The following COL21A1 variants were observed in gnomAD, a reference collection of about 807,000 sequenced individuals.
The protein encoded by COL21A1 is collagen type XXI alpha 1 chain.
Under a neutral mutation model 137.9 loss-of-function variants are expected in COL21A1, and 149 were observed. That is an observed-to-expected ratio of 1.08 (90% CI 0.95 to 1.24). The LOEUF (loss-of-function observed/expected upper bound fraction) is 1.24, where lower values mean the gene tolerates loss of function less well. COL21A1 is among the 50% of genes most tolerant of loss of function. The pLI, the probability that COL21A1 is intolerant of heterozygous loss-of-function variation, is 0.00. For synonymous variants in COL21A1, 456 were observed against 391.5 expected, an observed-to-expected ratio of 1.16 and a Z score of -1.95; for missense variants, 1,167 against 1,158.4, an observed-to-expected ratio of 1.01 and a Z score of -0.11.
intron 15 of COL21A1, 24 bp from the exon 16 acceptor site, chr6:56,124,139 T>G (rs1201401475): frequency 6.5e-7 from 1 of 1,535,306 alleles, no homozygotes; most frequent in South Asian, 1.2e-5. Context: ...ACATATGCTT[T>G]AATATATTTT....
chr6:56,353,921 C>A (rs554066148), intron 1 of COL21A1, among the ~76,000 whole-genome samples: 60 of 152,184 alleles, frequency 3.9e-4, no homozygotes, highest in African/African-American at 1.4e-3. Context: ...ATTTAAATAT[C>A]ACACTCTACC....
chr6:56,324,908 C>A (rs2152342062), intron 1 of COL21A1, among the ~76,000 whole-genome samples: 1 of 151,868 alleles, frequency 6.6e-6, no homozygotes, highest in East Asian at 1.9e-4. Context: ...ATCAAGAGAC[C>A]CTCATATGAA....
chr6:56,068,439 A>T (rs1766449407), intron 22 of COL21A1, among the ~76,000 whole-genome samples: 1 of 151,616 alleles, frequency 6.6e-6, no homozygotes, highest in African/African-American at 2.4e-5. Flanking sequence ...AGCATATATT[A>T]TTTATATACA....
At chr6:56,201,155 GT>G (rs1208321677) in intron 1 of COL21A1, among the ~76,000 whole-genome samples, 3 of 151,960 alleles carry the variant, frequency 2.0e-5, no homozygotes, top group Non-Finnish European at 2.9e-5. Flanking sequence ...GGGGTTGTTT[GT>G]TTTTTTCTTG....
At chr6:56,230,104 C>T (rs1781462416) in intron 1 of COL21A1, among the ~76,000 whole-genome samples, 1 of 151,798 alleles carries the variant, frequency 6.6e-6, no homozygotes, top group South Asian at 2.1e-4. Flanking sequence ...AGATGTGTCA[C>T]AATGTAAAAT....
chr6:56,340,960 A>G (rs1409492038), intron 1 of COL21A1, among the ~76,000 whole-genome samples: 11 of 152,286 alleles, frequency 7.2e-5, no homozygotes, highest in African/African-American at 2.6e-4. Context: ...ATGTCTCCTT[A>G]TGCCTACAGT....
chr6:56,200,825 G>T (rs1779345752), intron 1 of COL21A1, among the ~76,000 whole-genome samples: 1 of 152,054 alleles, frequency 6.6e-6, no homozygotes. Context: ...ACCCAGTAAT[G>T]GGATGGCTGG....
chr6:56,172,596 T>C (rs960054848), intron 3 of COL21A1, among the ~76,000 whole-genome samples: 4 of 152,138 alleles, frequency 2.6e-5, no homozygotes, highest in African/African-American at 9.7e-5. Context: ...AGTATAAATT[T>C]TTCAGATAAA....
chr6:56,264,575 T>C (rs993731136), intron 1 of COL21A1, among the ~76,000 whole-genome samples: 16 of 152,210 alleles, frequency 1.1e-4, no homozygotes, highest in African/African-American at 3.6e-4. Context: ...TATGTCTACT[T>C]GAGGACCTGG....
chr6:56,182,608 T>C lies in COL21A1; in HGVS notation c.11A>G (p.Tyr4Cys). Residue 4 changes from tyrosine to cysteine, a missense_variant, in exon 2 of 30, where the codon TAT becomes TGT. Tyr to Cys is a radical substitution (Grantham distance 194). Transcript: ENST00000244728. The stretch of plus-strand genomic sequence containing the variant: ...CAAAACCATGCAGAGAAATGTAATA[T>C]AGTGAGCCATGTTTCTGTTTTCGTT... MAHYITFLCMVLVL... is the reference protein window; with the variant it reads MAHCITFLCMVLVL... 1.9e-6 allele frequency: 3 copies of C among 1,600,384 alleles called. No homozygotes were observed. The highest frequency in any genetic ancestry group is 1.1e-5 in the South Asian group (1 of 88,802).
intron 23 of COL21A1, among the ~76,000 whole-genome samples, chr6:56,065,374 G>A (rs868007698): frequency 2.7e-4 from 41 of 152,018 alleles, no homozygotes; most frequent in African/African-American, 9.2e-4. Flanking sequence ...TTTTTGAGCA[G>A]CACCTATTTG....
intron 13 of COL21A1, 79 bp from the exon 14 acceptor site, chr6:56,125,699 C>A: frequency 7.4e-6 from 7 of 950,102 alleles, no homozygotes; most frequent in South Asian, 6.9e-5. Flanking sequence ...AGATTATAAG[C>A]AAAAGAGTTT....
chr6:56,311,218 G>A (rs908968506), intron 1 of COL21A1, among the ~76,000 whole-genome samples: 7 of 152,174 alleles, frequency 4.6e-5, no homozygotes, highest in African/African-American at 1.7e-4. Flanking sequence ...GCATAAACCA[G>A]AGATTACAAT....
At chr6:56,092,484 C>A (rs1438057124) in intron 17 of COL21A1, among the ~76,000 whole-genome samples, 1 of 151,864 alleles carries the variant, frequency 6.6e-6, no homozygotes, top group Non-Finnish European at 1.5e-5. Flanking sequence ...TTACTAAATA[C>A]AACAATGAAA....
At position 56,283,237 on chromosome 6, in the gene COL21A1, C is replaced by CA. The variant is rs35555993; in HGVS notation, c.-38-100582dup. The stretch of plus-strand genomic sequence containing the variant: ...CTCAGTGTAGCATTATTTGTAAAAG[C>CA]AAAAAAAAAATGTCCAACAAGGAAC... On this transcript the variant is annotated intron_variant, in intron 1 of 28. Transcript: ENST00000370819. Among the ~76,000 whole-genome samples, 151 of 142,078 alleles carry CA rather than the reference C, an allele frequency of 1.1e-3. 1 individual carries two copies. Among genetic ancestry groups the CA allele is most frequent in the East Asian group, 7.1e-3 (35 of 4,910 alleles). The allele number at this position is 142,078 out of a possible 152,430, so 93.2% of individuals were successfully genotyped here. A position where few individuals can be genotyped will look rare whatever the true frequency, so the allele number is the denominator to read the frequency against.
At chr6:56,239,903 A>G (rs943892696) in intron 1 of COL21A1, among the ~76,000 whole-genome samples, 4 of 152,170 alleles carry the variant, frequency 2.6e-5, no homozygotes, top group Non-Finnish European at 4.4e-5. Flanking sequence ...CCCAAATCTC[A>G]TCTTGAATCA....
intron 1 of COL21A1, among the ~76,000 whole-genome samples, chr6:56,293,017 C>T (rs35368960): frequency 0.026 from 3,939 of 152,122 alleles, 66 homozygotes; most frequent in Non-Finnish European, 0.042. Flanking sequence ...ATTAGACTAG[C>T]TCATATCAAA....
At chr6:56,216,652 G>T (rs16887677) in intron 1 of COL21A1, among the ~76,000 whole-genome samples, 3 of 151,982 alleles carry the variant, frequency 2.0e-5, no homozygotes, top group Non-Finnish European at 4.4e-5. Flanking sequence ...AACATTATTC[G>T]CAGCCTCTGA....
intron 1 of COL21A1, among the ~76,000 whole-genome samples, chr6:56,350,709 C>A (rs1765694318): frequency 6.6e-6 from 1 of 152,106 alleles, no homozygotes; most frequent in Non-Finnish European, 1.5e-5. Flanking sequence ...CCGATGTGTA[C>A]CAGAATTGTA....
Sources: gnomAD v4.1 joint callset for allele counts (sites outside exome capture counted in the v4.1 genomes callset) on GRCh38, gnomAD v4.1.1 for gene constraint, MANE v1.5 for transcripts, NCBI Gene and HGNC (gene_info 2026-07-23, HGNC 2026-07-21) for gene names.